The following BCAP31 variants were observed in gnomAD, a reference collection of about 807,000 sequenced individuals.
The protein encoded by BCAP31 is B cell receptor associated protein 31, also known as B-cell receptor-associated protein 31.
For synonymous variants in BCAP31, 75 were observed against 80.9 expected (o/e 0.93, Z 0.39); for missense variants, 124 against 193.0 (o/e 0.64, Z 2.12).
intron 4 of BCAP31, among the ~76,000 whole-genome samples, chrX:153,715,076 C>A (rs1359303207): frequency 8.9e-6 from 1 of 112,017 alleles, no homozygotes; most frequent in African/African-American, 3.2e-5. Context: ...GTCCTCATTA[C>A]GAGTTTCACG....
chrX:153,701,486 C>T (rs1170863524), intron 7 of BCAP31, among the ~76,000 whole-genome samples: 1 of 112,857 alleles, frequency 8.9e-6, no homozygotes, highest in African/African-American at 3.2e-5. Flanking sequence ...CTCCCAACGT[C>T]AAGACCGCCT....
At chrX:153,720,706 A>G (rs1427068223) in intron 3 of BCAP31, among the ~76,000 whole-genome samples, 166 bp downstream of exon 3, 1 of 112,400 alleles carries the variant, frequency 8.9e-6, no homozygotes, top group African/African-American at 3.2e-5. Context: ...GGTCAGCAGC[A>G]TGGGCAAAGG....
At chrX:153,708,891 G>A (rs1225263229) in intron 4 of BCAP31, among the ~76,000 whole-genome samples, 1 of 112,438 alleles carries the variant, frequency 8.9e-6, no homozygotes, top group African/African-American at 3.2e-5. Context: ...TGGAGAAGAC[G>A]GGAAGAGGAG....
chrX:153,720,976 TGAA>T lies in BCAP31; in HGVS notation c.93-7_93-5del, dbSNP rs782735013. On this transcript the variant is annotated splice_region_variant and splice_polypyrimidine_tract_variant and intron_variant, in intron 2 of 7. Coordinates refer to ENST00000345046, the MANE Select transcript of BCAP31 (RefSeq NM_001256447.2). ...GGACTTGAAAATCTTCTGCCATCTG[TGAA>T]GAAGACAAAAAGGACAGGAGTTGAA... 8.3e-7 allele frequency: 1 copy of T among 1,203,317 alleles called. No homozygotes were observed. Among genetic ancestry groups the T allele is most frequent in the Non-Finnish European group, 1.1e-6 (1 of 889,176 alleles).
chrX:153,716,734 T>TG (rs1364060995), intron 3 of BCAP31, among the ~76,000 whole-genome samples: 3 of 111,748 alleles, frequency 2.7e-5, no homozygotes, highest in Non-Finnish European at 5.6e-5. Context: ...CATTCCAGCC[T>TG]GGGCGACAGA....
Position 153,720,985 on chromosome X carries a change from C to CA in BCAP31, c.93-14dup. The CA allele has an allele frequency of 3.4e-6, 4 of 1,193,369 alleles. No homozygotes were observed. Among genetic ancestry groups the CA allele is most frequent in the Non-Finnish European group, 4.5e-6 (4 of 879,682 alleles). On this transcript the variant is annotated splice_polypyrimidine_tract_variant and intron_variant, in intron 2 of 7. Transcript: ENST00000345046. Reference sequence around the variant, plus strand: ...AATCTTCTGCCATCTGTGAAGAAGACAAAAAGGACAGGAGTTGAAGAGAAA... The same window carrying CA: ...AATCTTCTGCCATCTGTGAAGAAGACAAAAAAGGACAGGAGTTGAAGAGAAA...
chrX:153,703,096 G>C (rs1557047743), intron 5 of BCAP31, 38 bp from the exon 6 acceptor site: 6 of 1,202,496 alleles, frequency 5.0e-6, no homozygotes, highest in South Asian at 3.5e-5. Context: ...ACTCAGGAGG[G>C]AGGGAGGGAG....
intron 4 of BCAP31, among the ~76,000 whole-genome samples, chrX:153,711,802 G>A (rs1240365334): frequency 1.5e-4 from 16 of 109,380 alleles, no homozygotes; most frequent in African/African-American, 5.3e-4. Context: ...CTACTTGGGA[G>A]GCTGAGGCAT....
At chrX:153,720,536 G>T (rs2091657998) in intron 3 of BCAP31, among the ~76,000 whole-genome samples, 1 of 111,042 alleles carries the variant, frequency 9.0e-6, no homozygotes, top group African/African-American at 3.3e-5. Flanking sequence ...AGCTAATTTT[G>T]TATTTTTCGT....
At chrX:153,719,678 GCT>G (rs1275325436) in intron 3 of BCAP31, among the ~76,000 whole-genome samples, 2 of 111,684 alleles carry the variant, frequency 1.8e-5, no homozygotes, top group Admixed American at 1.9e-4. Context: ...AGGCACCACA[GCT>G]CTGAGACAAG....
chrX:153,720,365 CTCTT>C (rs1557050773), intron 3 of BCAP31, among the ~76,000 whole-genome samples: 3 of 102,137 alleles, frequency 2.9e-5, no homozygotes, highest in African/African-American at 1.1e-4. Context: ...CTAGAGGGGC[CTCTT>C]TTTTTTTTTT....
intron 4 of BCAP31, among the ~76,000 whole-genome samples, chrX:153,708,321 C>G (rs1270896998): frequency 8.9e-6 from 1 of 112,673 alleles, no homozygotes; most frequent in Non-Finnish European, 1.9e-5. Context: ...AAGCACTTTT[C>G]AGCAGCCCTG....
intron 2 of BCAP31, among the ~76,000 whole-genome samples, chrX:153,721,339 G>A (rs1025052268): frequency 7.5e-5 from 8 of 107,229 alleles, no homozygotes; most frequent in Non-Finnish European, 1.4e-4. Context: ...AGGAGGGTGA[G>A]GCAGGAGAAT....
intron 4 of BCAP31, among the ~76,000 whole-genome samples, chrX:153,712,934 G>A (rs189047773): frequency 5.0e-4 from 56 of 111,900 alleles, no homozygotes; most frequent in African/African-American, 1.6e-3. Flanking sequence ...GGCCAGGCGC[G>A]GTGGCTCACG....
intron 7 of BCAP31, 137 bp from the exon 8 acceptor site, chrX:153,701,112 C>A (rs2091515545): frequency 9.3e-6 from 5 of 538,851 alleles, no homozygotes; most frequent in Middle Eastern, 3.2e-4. Context: ...ACAAGGGGCC[C>A]CCTCCCCAGC....
At chrX:153,722,679 T>C (rs969195001) in intron 2 of BCAP31, among the ~76,000 whole-genome samples, 3 of 112,190 alleles carry the variant, frequency 2.7e-5, no homozygotes, top group Non-Finnish European at 3.8e-5. Flanking sequence ...AGGTCCTCTG[T>C]TCATTAAAAG....
intron 4 of BCAP31, among the ~76,000 whole-genome samples, chrX:153,709,985 G>C (rs2091579336): frequency 8.9e-6 from 1 of 112,684 alleles, no homozygotes; most frequent in Admixed American, 9.3e-5. Context: ...GGGCCCCTCG[G>C]AACAGGCTCC....
intron 2 of BCAP31, 124 bp downstream of exon 2, chrX:153,723,029 C>T: frequency 1.1e-6 from 1 of 912,084 alleles, no homozygotes; most frequent in Non-Finnish European, 1.5e-6. Flanking sequence ...ACCCCCACCC[C>T]AGACAGGTTC....
chrX:153,708,397 G>A (rs1460194898), intron 4 of BCAP31, among the ~76,000 whole-genome samples: 1 of 112,458 alleles, frequency 8.9e-6, no homozygotes, highest in African/African-American at 3.2e-5. Context: ...AGCAAGTCCC[G>A]ACCAAAAGAT....
Sources: gnomAD v4.1 joint callset for allele counts (sites outside exome capture counted in the v4.1 genomes callset) on GRCh38, gnomAD v4.1.1 for gene constraint, MANE v1.5 for transcripts, NCBI Gene and HGNC (gene_info 2026-07-23, HGNC 2026-07-21) for gene names.